Variants in DHX29 observed in about 807,000 individuals in gnomAD.
The protein encoded by DHX29 is DExH-box helicase 29.
Under a neutral mutation model 167.9 loss-of-function variants are expected in DHX29, and 79 were observed. That is an observed-to-expected ratio of 0.47 (90% CI 0.39 to 0.57). DHX29 has a LOEUF of 0.57. Ranked by LOEUF, DHX29 falls within the 20% of genes least tolerant of loss-of-function variation. DHX29 has a pLI of 0.00. For missense variants in DHX29, 1,347 were observed against 1,593.4 expected (o/e 0.85, Z 2.63); for synonymous variants, 530 against 546.0 (o/e 0.97, Z 0.41).
At chr5:55,259,734 G>T in intron 26 of DHX29, 114 bp downstream of exon 26, 1 of 572,630 alleles carries the variant, frequency 1.7e-6, no homozygotes, top group Non-Finnish European at 3.2e-6. Context: ...TGGGATTATG[G>T]GCGTGAGCCA....
rs541047377 is a variant in DHX29 at position 55,285,227 on chromosome 5, G to GA, written c.1356+65dup. ...AATCAGAAGAAACAGTCAATAAAGAGAAAATTGAACCATAATTAAATACTG... is the reference window on the plus strand; with the variant it reads ...AATCAGAAGAAACAGTCAATAAAGAGAAAAATTGAACCATAATTAAATACTG... On this transcript the variant is annotated intron_variant, in intron 10 of 26. Coordinates refer to ENST00000251636, the MANE Select transcript of DHX29 (RefSeq NM_019030.4). 6.4e-6 allele frequency: 10 copies of GA among 1,571,098 alleles called. No homozygotes were observed. In the Admixed American group the frequency reaches 1.1e-4, roughly 17 times the overall value.
intron 26 of DHX29, among the ~76,000 whole-genome samples, chr5:55,259,186 T>TA (rs1306183526): frequency 6.6e-6 from 1 of 152,190 alleles, no homozygotes; most frequent in East Asian, 1.9e-4. Flanking sequence ...ACCAGTTTAC[T>TA]AAAATGCTAA....
At chr5:55,269,034 TA>T (rs1746718130) in intron 21 of DHX29, among the ~76,000 whole-genome samples, 1 of 151,744 alleles carries the variant, frequency 6.6e-6, no homozygotes, top group Non-Finnish European at 1.5e-5. Context: ...AATATTATAT[TA>T]AAAAATTCTT....
intron 23 of DHX29, 92 bp downstream of exon 23, chr5:55,267,046 T>C (rs1746611587): frequency 1.3e-6 from 1 of 754,146 alleles, no homozygotes; most frequent in Non-Finnish European, 2.2e-6. Flanking sequence ...GCCCTTACTA[T>C]GTGACAAGTA....
chr5:55,287,626 A>G (rs1333993562), intron 8 of DHX29, among the ~76,000 whole-genome samples: 1 of 152,194 alleles, frequency 6.6e-6, no homozygotes, highest in Non-Finnish European at 1.5e-5. Context: ...TACAGTTTTT[A>G]GAAGACCATC....
chr5:55,264,270 T>A (rs13174056), intron 23 of DHX29, among the ~76,000 whole-genome samples: 3,911 of 152,294 alleles, frequency 0.026, 164 homozygotes, highest in Admixed American at 0.11. Context: ...ACTACACTTC[T>A]ACTCTCTCTC....
At chr5:55,301,430 C>T (rs768330939) in intron 1 of DHX29, among the ~76,000 whole-genome samples, 12 of 152,082 alleles carry the variant, frequency 7.9e-5, no homozygotes, top group Non-Finnish European at 1.5e-4. Context: ...AGAATGATCC[C>T]AGGCCAGGCG....
chr5:55,263,056 C>A, intron 23 of DHX29, 124 bp from the exon 24 acceptor site: 7 of 709,590 alleles, frequency 9.9e-6, no homozygotes, highest in South Asian at 6.4e-5. Flanking sequence ...ATTTGGCTAA[C>A]GATAGCCCAA....
Position 55,285,289 on chromosome 5 carries a change from T to C in DHX29, c.1356+4A>G. The C allele has an allele frequency of 6.2e-7, 1 of 1,613,344 alleles. No individual in the cohort carries two copies. ...CAGATATAGTTAGGCCTAAAAAGTC[T>C]TACCTGCCCTTTAACTAAACGGTAA... On this transcript the variant is annotated splice_donor_region_variant and intron_variant, in intron 10 of 26. Coordinates refer to ENST00000251636, the MANE Select transcript of DHX29 (RefSeq NM_019030.4).
Position 55,285,411 on chromosome 5 carries a change from C to G in DHX29, c.1238G>C (p.Arg413Thr). 1 of 1,606,686 alleles carries G rather than the reference C, an allele frequency of 6.2e-7. No homozygotes were observed. Among genetic ancestry groups the G allele is most frequent in the South Asian group, 1.1e-5 (1 of 89,156 alleles). ...GACATCATCTTCAGACTTGATTACC[C>G]TAACCCTACAAAGAAGCAAACGCAT... ...PVGRYWKCRV[R>T]VIKSEDDVLV... The change falls in exon 10 of 27, where the codon AGG becomes ACG. Residue 413 changes from arginine to threonine, a missense_variant. Physicochemically the swap from Arg to Thr is moderately conservative, Grantham distance 71. Around this residue, in one of 3 missense-constraint regions of DHX29, gnomAD observed 60 missense variants for 94.2 expected, o/e 0.64. Coordinates refer to ENST00000251636, the MANE Select transcript of DHX29 (RefSeq NM_019030.4).
chr5:55,267,120 A>T lies in DHX29; in HGVS notation c.3525+18T>A. On this transcript the variant is annotated intron_variant, in intron 23 of 26. Transcript: ENST00000251636. Reference sequence around the variant, plus strand: ...AGTTACCCATGACTCTGAGTGAGAGATCCATATTAAGAATTACCTCTAGGG... The same window carrying T: ...AGTTACCCATGACTCTGAGTGAGAGTTCCATATTAAGAATTACCTCTAGGG... The T allele has an allele frequency of 6.6e-7, 1 of 1,504,982 alleles. No individual in the cohort carries two copies. The highest frequency in any genetic ancestry group is 9.2e-7 in the Non-Finnish European group (1 of 1,091,528). The allele number at this position is 1,504,982 out of a possible 1,614,324, so 93.2% of individuals were successfully genotyped here.
rs151089047 is a variant in DHX29, at chr5:55,259,893, A to C, written c.4012T>G (p.Ser1338Ala). The change falls in exon 26 of 27, where the codon TCA (serine) becomes GCA (alanine). Residue 1338 changes from serine (S) to alanine (A), a missense_variant. Ser to Ala is a moderately conservative substitution (Grantham distance 99). Coordinates refer to ENST00000251636, the MANE Select transcript of DHX29 (RefSeq NM_019030.4). ...TTTTCAAGCTTTTTTCTTAAAACTG[A>C]ATCAATGAGAACTCTCAGCTGCTTG... ...IFKQLRVLIDSVLRKKLENPK... is the reference protein window; with the variant it reads ...IFKQLRVLIDAVLRKKLENPK... 11 of 1,612,994 alleles carry C rather than the reference A, an allele frequency of 6.8e-6. No homozygotes were observed. The African/African-American group carries it at 1.5e-4, about 21-fold the overall frequency.
chr5:55,301,039 T>C (rs7730157), intron 1 of DHX29, among the ~76,000 whole-genome samples: 22,874 of 152,100 alleles, frequency 0.15, 2,206 homozygotes, highest in African/African-American at 0.27. Flanking sequence ...TGAGCTCTCT[T>C]GGGTATCTCA....
chr5:55,288,685 G>A (rs1182977579), intron 8 of DHX29, among the ~76,000 whole-genome samples: 5 of 152,096 alleles, frequency 3.3e-5, no homozygotes, highest in African/African-American at 1.2e-4. Context: ...GGAGCACAAA[G>A]AAGTACATGA....
At chr5:55,263,783 T>C (rs1297026958) in intron 23 of DHX29, among the ~76,000 whole-genome samples, 1 of 214 alleles carries the variant, frequency 4.7e-3, no homozygotes, top group Non-Finnish European at 0.011. Flanking sequence ...TCCCAGTCAG[T>C]TGGCCAGAGG....
intron 12 of DHX29, among the ~76,000 whole-genome samples, chr5:55,278,199 A>G (rs770347254): frequency 3.9e-5 from 6 of 152,228 alleles, no homozygotes; most frequent in Non-Finnish European, 5.9e-5. Flanking sequence ...TCTGTCTTCC[A>G]ACTTTCTGTA....
chr5:55,295,445 T>C lies in DHX29; in HGVS notation c.585A>G (p.Ile195Met). The C allele has an allele frequency of 6.2e-7, 1 of 1,613,818 alleles. No individual in the cohort carries two copies. The highest frequency in any genetic ancestry group is 8.5e-7 in the Non-Finnish European group (1 of 1,179,740). ...KSRPKFQSPQ[I>M]QATISPPLQP... ...GCAATGGAGGTGAAATAGTGGCTTGTATTTGAGGAGACTGAAATTTAGGCC... is the reference window on the plus strand; with the variant it reads ...GCAATGGAGGTGAAATAGTGGCTTGCATTTGAGGAGACTGAAATTTAGGCC... Residue 195 changes from isoleucine (I) to methionine (M), a missense_variant, in exon 5 of 27, where the codon ATA (isoleucine) becomes ATG (methionine). Ile to Met is a conservative substitution (Grantham distance 10, BLOSUM62 1). This residue lies in a region of DHX29 where 405 missense variants were observed against 416.8 expected (regional missense o/e 0.97). Transcript: ENST00000251636.
At chr5:55,285,265 A>G (rs778745530) in intron 10 of DHX29, 28 bp downstream of exon 10, 6 of 1,607,048 alleles carry the variant, frequency 3.7e-6, no homozygotes, top group Admixed American at 3.4e-5. Context: ...TTCCACATAC[A>G]GATATAGTTA....
chr5:55,269,812 AGAGTGTAT>A (rs1354553349), intron 20 of DHX29, among the ~76,000 whole-genome samples, 175 bp from the exon 21 acceptor site: 2 of 151,698 alleles, frequency 1.3e-5, no homozygotes, highest in Non-Finnish European at 2.9e-5. Context: ...GTTGGGGGGA[AGAGTGTAT>A]GAGTGTATGT....
Sources: gnomAD v4.1 joint callset for allele counts (sites outside exome capture counted in the v4.1 genomes callset) on GRCh38, gnomAD v4.1.1 for gene constraint, gnomAD v4.1.1 regional missense constraint, MANE v1.5 for transcripts, NCBI Gene and HGNC (gene_info 2026-07-23, HGNC 2026-07-21) for gene names.